Variants in NFAT5 observed in about 807,000 individuals in gnomAD.
NFAT5 encodes the protein nuclear factor of activated T cells 5.
NFAT5 carries 31 observed loss-of-function variants against 166.5 expected under a neutral mutation model. The ratio of observed to expected loss-of-function variants is 0.19; its 90% CI spans 0.14 to 0.25. The LOEUF is 0.25. NFAT5 is among the 10% of genes least tolerant of loss of function. The pLI, the probability that NFAT5 is intolerant of heterozygous loss-of-function variation, is 1.00. For missense variants in NFAT5, 1,449 were observed against 1,821.8 expected, an observed-to-expected ratio of 0.80 and a Z score of 3.72; for synonymous variants, 612 against 639.7, an observed-to-expected ratio of 0.96 and a Z score of 0.65.
intron 7 of NFAT5, among the ~76,000 whole-genome samples, chr16:69,668,245 C>A (rs1351233804): frequency 6.6e-6 from 1 of 152,168 alleles, no homozygotes; most frequent in Non-Finnish European, 1.5e-5. Context: ...CTCTCGGTCT[C>A]CCAAAGTATT....
intron 10 of NFAT5, 83 bp from the exon 11 acceptor site, chr16:69,684,804 A>G (rs2151702658): frequency 1.2e-6 from 1 of 841,136 alleles, no homozygotes; most frequent in Non-Finnish European, 1.8e-6. Context: ...CTTTGTGACA[A>G]GATATTCTAA....
intron 7 of NFAT5, among the ~76,000 whole-genome samples, chr16:69,663,201 G>A (rs1437622250): frequency 6.6e-6 from 1 of 152,150 alleles, no homozygotes; most frequent in East Asian, 1.9e-4. Flanking sequence ...TAGATACTCA[G>A]TGGAAAGAAT....
chr16:69,686,546 T>A (rs982029416), intron 11 of NFAT5, among the ~76,000 whole-genome samples: 4 of 151,978 alleles, frequency 2.6e-5, no homozygotes, highest in Non-Finnish European at 5.9e-5. Context: ...GAAATTTGGT[T>A]GGTTTATATA....
rs145649746 is a variant in NFAT5 at position 69,682,624 on chromosome 16, A to C, written c.1691-2263A>C. ...ACAGAGCAAGACCCTGTCTCAAAAA[A>C]ATAATAAGAAGAATTTAAAAATAAC... On this transcript the variant is annotated intron_variant, in intron 10 of 14. Coordinates refer to ENST00000349945, the MANE Select transcript of NFAT5 (RefSeq NM_138713.4). Among the ~76,000 whole-genome samples the C allele has an allele frequency of 8.7e-3, 1,325 of 152,288 alleles. 19 individuals carry two copies. Among genetic ancestry groups the C allele is most frequent in the African/African-American group, 0.031 (1,270 of 41,550 alleles).
intron 10 of NFAT5, among the ~76,000 whole-genome samples, chr16:69,681,448 C>T (rs1352770407): frequency 6.6e-6 from 1 of 152,192 alleles, no homozygotes; most frequent in East Asian, 1.9e-4. Flanking sequence ...AATTTTCAAA[C>T]TGCTTTGAGT....
At chr16:69,621,860 G>A (rs1439737625) in intron 2 of NFAT5, among the ~76,000 whole-genome samples, 1 of 152,128 alleles carries the variant, frequency 6.6e-6, no homozygotes, top group Admixed American at 6.5e-5. Context: ...CCACTCGGGA[G>A]GCTGCAGCAG....
intron 2 of NFAT5, among the ~76,000 whole-genome samples, chr16:69,576,291 CAAAA>C (rs35557444): frequency 1.8e-5 from 1 of 55,300 alleles, no homozygotes; most frequent in Non-Finnish European, 3.9e-5. Flanking sequence ...GACTCGGTCT[CAAAA>C]AAAAAAAAAA....
At chr16:69,596,579 G>A (rs756213429) in intron 2 of NFAT5, among the ~76,000 whole-genome samples, 1 of 151,922 alleles carries the variant, frequency 6.6e-6, no homozygotes, top group Non-Finnish European at 1.5e-5. Context: ...TTAGCCGGGC[G>A]TGGTGGCACG....
rs181391054 is a variant in NFAT5 at position 69,634,593 on chromosome 16, A to G, written c.253+8065A>G. The stretch of plus-strand genomic sequence containing the variant: ...CACTCAGGTAGAATTTATTCTTCCC[A>G]TATAATTACAGGGTATTATCATCAA... On this transcript the variant is annotated intron_variant, in intron 3 of 14. Coordinates refer to ENST00000349945, the MANE Select transcript of NFAT5 (RefSeq NM_138713.4). Among the ~76,000 whole-genome samples the G allele has an allele frequency of 5.0e-4, 76 of 152,318 alleles. No homozygotes were observed. The East Asian group carries it at 0.013, about 27-fold the overall frequency.
At chr16:69,606,187 T>A (rs1161566116) in intron 2 of NFAT5, among the ~76,000 whole-genome samples, 1 of 152,216 alleles carries the variant, frequency 6.6e-6, no homozygotes, top group East Asian at 1.9e-4. Context: ...TTTAACCTCT[T>A]GCAAGGTTTC....
At chr16:69,568,344 A>ATGTGTGTGTGTGTGTG (rs373838844) in intron 1 of NFAT5, 151 bp from the exon 2 acceptor site, 177 of 215,518 alleles carry the variant, frequency 8.2e-4, no homozygotes, top group African/African-American at 2.6e-3. Context: ...GTATATATAT[A>ATGTGTGTGTGTGTGTG]TATGTGTGTG....
intron 2 of NFAT5, 78 bp downstream of exon 2, chr16:69,568,626 T>C: frequency 8.2e-7 from 1 of 1,217,902 alleles, no homozygotes; most frequent in Non-Finnish European, 1.2e-6. Flanking sequence ...AATGGGAAAG[T>C]ATGAAACTTT....
At chr16:69,667,632 G>A (rs1164344636) in intron 7 of NFAT5, among the ~76,000 whole-genome samples, 2 of 152,018 alleles carry the variant, frequency 1.3e-5, no homozygotes, top group Non-Finnish European at 2.9e-5. Flanking sequence ...TAAAAAATGA[G>A]ATATGGGAAA....
At chr16:69,604,786 G>A (rs1030272397) in intron 2 of NFAT5, among the ~76,000 whole-genome samples, 3 of 152,138 alleles carry the variant, frequency 2.0e-5, no homozygotes, top group African/African-American at 7.2e-5. Flanking sequence ...TATTGCTATG[G>A]ATTTGCCTAT....
chr16:69,659,030 A>G (rs1033223264), intron 6 of NFAT5, among the ~76,000 whole-genome samples: 3 of 152,026 alleles, frequency 2.0e-5, no homozygotes, highest in Non-Finnish European at 4.4e-5. Flanking sequence ...CTATTATTCT[A>G]TCCTTCTGGA....
intron 9 of NFAT5, among the ~76,000 whole-genome samples, chr16:69,673,649 G>A (rs1201433303): frequency 6.6e-6 from 1 of 152,102 alleles, no homozygotes; most frequent in Non-Finnish European, 1.5e-5. Context: ...CTTGAGCCCA[G>A]GAAGTTGAGG....
At chr16:69,685,194 T>A (rs545364409) in intron 11 of NFAT5, 8,068 of 142,108 alleles carry the variant, frequency 0.057, 229 homozygotes, top group East Asian at 0.072. Flanking sequence ...ATATATATTT[T>A]TTTTTTTAAG....
chr16:69,566,846 G>A lies in NFAT5; in HGVS notation c.73+472G>A, dbSNP rs1350814444. Reference sequence around the variant, plus strand: ...TGGCCTGGAGCCGGTTCTGAGTGCAGGGTCACCATTTTCCTCCCTTTCCAG... The same window carrying A: ...TGGCCTGGAGCCGGTTCTGAGTGCAAGGTCACCATTTTCCTCCCTTTCCAG... On this transcript the variant is annotated intron_variant, in intron 1 of 14. Transcript: ENST00000349945. This position sits in a 1 kb window ranked among gnomAD's most constrained non-coding sequence, Gnocchi z 5.7. Among the ~76,000 whole-genome samples the A allele has an allele frequency of 6.6e-6, 1 of 152,142 alleles. No homozygotes were observed. Among genetic ancestry groups the A allele is most frequent in the Non-Finnish European group, 1.5e-5 (1 of 67,998 alleles).
At chr16:69,677,494 C>T (rs552897036) in intron 10 of NFAT5, among the ~76,000 whole-genome samples, 159 bp downstream of exon 10, 4 of 152,152 alleles carry the variant, frequency 2.6e-5, no homozygotes, top group Admixed American at 6.5e-5. Flanking sequence ...AGAGGACAGC[C>T]GCCAGATACT....
Sources: gnomAD v4.1 joint callset for allele counts (sites outside exome capture counted in the v4.1 genomes callset) on GRCh38, gnomAD v4.1.1 for gene constraint, Gnocchi (gnomAD v3.1) non-coding constraint, MANE v1.5 for transcripts, NCBI Gene and HGNC (gene_info 2026-07-23, HGNC 2026-07-21) for gene names.